Variants in RBFOX1 observed in about 807,000 individuals in gnomAD.
RBFOX1 encodes the protein RNA binding fox-1 homolog 1.
RBFOX1 carries 8 observed loss-of-function variants against 57.7 expected under a neutral mutation model. That is an observed-to-expected ratio of 0.14 (90% CI 0.08 to 0.25). The LOEUF is 0.25. Ranked by LOEUF, RBFOX1 falls within the 10% of genes least tolerant of loss-of-function variation. The pLI, the probability that RBFOX1 is intolerant of heterozygous loss-of-function variation, is 1.00. For synonymous variants in RBFOX1, 326 were observed against 222.4 expected (o/e 1.47, Z -4.15); for missense variants, 611 against 548.5 (o/e 1.11, Z -1.14).
intron 14 of RBFOX1, chr16:7,693,226 C>T (rs1015332606): frequency 2.4e-5 from 25 of 1,058,506 alleles, no homozygotes; most frequent in Non-Finnish European, 3.5e-5. Flanking sequence ...GCACCCTTCC[C>T]TCCCCTCATC....
chr16:5,487,445 G>C (rs1236764821), intron 2 of RBFOX1, among the ~76,000 whole-genome samples: 1 of 152,152 alleles, frequency 6.6e-6, no homozygotes, highest in Non-Finnish European at 1.5e-5. Flanking sequence ...AGTTGGCTTT[G>C]GGTTACCCTA....
chr16:6,151,504 T>A (rs1275729261), intron 1 of RBFOX1, among the ~76,000 whole-genome samples: 3 of 152,184 alleles, frequency 2.0e-5, no homozygotes, highest in Admixed American at 2.0e-4. Context: ...CAGGCTGGTG[T>A]TGAATTCCTG....
rs116419633 is a variant in RBFOX1, at chr16:7,587,327, T to A, written c.468+27T>A. On this transcript the variant is annotated intron_variant, in intron 7 of 15. Coordinates refer to ENST00000550418, the MANE Select transcript of RBFOX1 (RefSeq NM_018723.4). The stretch of plus-strand genomic sequence containing the variant: ...TAAGCAACTTAATTCACTTTAGAAT[T>A]GTTTAGTTTATTTTTAAATGTTTGT... 1,610 of 1,506,450 alleles carry A rather than the reference T, an allele frequency of 1.1e-3. 14 individuals are homozygous for A. The African/African-American group carries it at 0.019, about 17-fold the overall frequency. The allele number at this position is 1,506,450 out of a possible 1,614,324, so 93.3% of individuals were successfully genotyped here.
chr16:6,612,778 G>C (rs1309702930), intron 2 of RBFOX1, among the ~76,000 whole-genome samples: 2 of 151,360 alleles, frequency 1.3e-5, no homozygotes, highest in African/African-American at 4.9e-5. Context: ...CTTGAACCTA[G>C]GAGGTGGAGA....
At chr16:6,940,863 G>C (rs1306013649) in intron 3 of RBFOX1, among the ~76,000 whole-genome samples, 1 of 126,552 alleles carries the variant, frequency 7.9e-6, no homozygotes, top group African/African-American at 3.1e-5. Context: ...GTGTGTGTGT[G>C]TGTGTGTGTG....
intron 1 of RBFOX1, among the ~76,000 whole-genome samples, chr16:6,180,287 A>G (rs1432427619): frequency 6.6e-6 from 1 of 151,868 alleles, no homozygotes; most frequent in Non-Finnish European, 1.5e-5. Flanking sequence ...TTTGCCTACT[A>G]ATTCATTCTC....
intron 2 of RBFOX1, among the ~76,000 whole-genome samples, chr16:5,473,255 C>T (rs952758358): frequency 7.9e-5 from 12 of 152,056 alleles, no homozygotes; most frequent in African/African-American, 2.9e-4. Flanking sequence ...TGTGATAGCT[C>T]CTGGGCATGG....
At chr16:5,876,623 A>T (rs1597602201) in intron 4 of RBFOX1, among the ~76,000 whole-genome samples, 1 of 152,274 alleles carries the variant, frequency 6.6e-6, no homozygotes, top group East Asian at 1.9e-4. Context: ...AGATTTTTTG[A>T]GTGTTCTGTG....
chr16:7,272,194 T>C (rs1170486367), intron 4 of RBFOX1, among the ~76,000 whole-genome samples: 1 of 152,024 alleles, frequency 6.6e-6, no homozygotes, highest in Non-Finnish European at 1.5e-5. Context: ...CCCTATTTTA[T>C]TTTTTTTGAG....
chr16:7,214,848 A>G (rs1251784180), intron 4 of RBFOX1, among the ~76,000 whole-genome samples: 2 of 152,092 alleles, frequency 1.3e-5, no homozygotes, highest in Non-Finnish European at 2.9e-5. Context: ...TAGAAATGGG[A>G]TAGTCTGGGT....
In RBFOX1 at chr16:7,518,248, C is replaced by G; in HGVS notation, c.129C>G (p.Ala43=). The change falls in exon 5 of 16, where the codon GCC becomes GCG. Residue 43 remains alanine, a synonymous_variant. Coordinates refer to ENST00000550418, the MANE Select transcript of RBFOX1 (RefSeq NM_018723.4). ...PQNGIPAEYT[A]PHPHPAPEYT... Reference sequence around the variant, plus strand: ...ACGGTATCCCCGCGGAATACACGGCCCCTCATCCCCACCCCGCGCCAGAGT... The same window carrying G: ...ACGGTATCCCCGCGGAATACACGGCGCCTCATCCCCACCCCGCGCCAGAGT... The G allele has an allele frequency of 6.2e-7, 1 of 1,614,148 alleles. No individual in the cohort carries two copies. Among genetic ancestry groups the G allele is most frequent in the Non-Finnish European group, 8.5e-7 (1 of 1,180,014 alleles).
At chr16:7,273,200 C>CCCTTTCTT (rs71147679) in intron 4 of RBFOX1, among the ~76,000 whole-genome samples, 1 of 53,344 alleles carries the variant, frequency 1.9e-5, no homozygotes, top group African/African-American at 7.8e-5. Context: ...CTTCCTTCCT[C>CCCTTTCTT]CCTCCCTTCC....
intron 4 of RBFOX1, among the ~76,000 whole-genome samples, chr16:7,318,640 C>T (rs1347145890): frequency 6.6e-6 from 1 of 152,132 alleles, no homozygotes. Context: ...ACATAGAGAA[C>T]GTTTGTTAAA....
At chr16:6,972,877 A>T (rs2085898745) in intron 3 of RBFOX1, among the ~76,000 whole-genome samples, 1 of 152,172 alleles carries the variant, frequency 6.6e-6, no homozygotes, top group Non-Finnish European at 1.5e-5. Context: ...TTATCACAAC[A>T]CTTTGGGAGG....
chr16:5,859,071 TG>T (rs1412903818), intron 3 of RBFOX1, among the ~76,000 whole-genome samples: 2 of 152,140 alleles, frequency 1.3e-5, no homozygotes, highest in African/African-American at 4.8e-5. Context: ...CAGGCATGAT[TG>T]TGGGTGCCTG....
chr16:6,585,442 GT>G (rs1184715682), intron 2 of RBFOX1, among the ~76,000 whole-genome samples: 1 of 151,916 alleles, frequency 6.6e-6, no homozygotes, highest in Non-Finnish European at 1.5e-5. Flanking sequence ...TGTATTCTCG[GT>G]CCCCTTTGAA....
At chr16:6,337,633 C>G (rs1321998793) in intron 2 of RBFOX1, among the ~76,000 whole-genome samples, 2 of 152,190 alleles carry the variant, frequency 1.3e-5, no homozygotes, top group African/African-American at 2.4e-5. Context: ...TGTCAAGCAG[C>G]AAGCACTACT....
At chr16:6,065,056 C>G (rs1254258662) in intron 1 of RBFOX1, among the ~76,000 whole-genome samples, 2 of 150,328 alleles carry the variant, frequency 1.3e-5, no homozygotes. Context: ...GAGACAGGGT[C>G]TTGTTCTGTC....
chr16:5,357,437 C>A (rs185477227), intron 1 of RBFOX1, among the ~76,000 whole-genome samples: 2 of 152,204 alleles, frequency 1.3e-5, no homozygotes, highest in Non-Finnish European at 2.9e-5. Context: ...AACAGAACAA[C>A]GCAGTCTACA....
Sources: allele counts gnomAD v4.1 joint callset (sites outside exome capture counted in the v4.1 genomes callset), GRCh38; gene constraint gnomAD v4.1.1; transcripts MANE v1.5; gene names NCBI Gene and HGNC (gene_info 2026-07-23, HGNC 2026-07-21).